Variants in ADAMTS16 observed in about 807,000 individuals in gnomAD.
ADAMTS16 encodes the protein A disintegrin and metalloproteinase with thrombospondin motifs 16.
In ADAMTS16, 94 loss-of-function variants were observed where a neutral mutation model predicts 145.8. The observed-to-expected ratio is 0.64, with a 90% CI of 0.55 to 0.77. ADAMTS16 has a LOEUF of 0.77. Ranked by LOEUF, ADAMTS16 falls within the 30% of genes least tolerant of loss-of-function variation. ADAMTS16 has a pLI of 0.00. For missense variants in ADAMTS16, 1,585 were observed against 1,591.5 expected (o/e 1.00, Z 0.07); for synonymous variants, 659 against 604.3 (o/e 1.09, Z -1.33).
At chr5:5,151,218 AT>A (rs1560924532) in intron 3 of ADAMTS16, among the ~76,000 whole-genome samples, 1 of 57,690 alleles carries the variant, frequency 1.7e-5, no homozygotes, top group Non-Finnish European at 3.5e-5. Context: ...CTTTTCTCTT[AT>A]TTATTTATTT....
At chr5:5,190,182 G>T in intron 7 of ADAMTS16, 52 bp downstream of exon 7, 1 of 1,499,720 alleles carries the variant, frequency 6.7e-7, no homozygotes, top group Admixed American at 2.4e-5. Flanking sequence ...TGCACCCCTG[G>T]CCGTGACACA....
At chr5:5,190,279 C>T in intron 7 of ADAMTS16, 149 bp downstream of exon 7, 4 of 771,320 alleles carry the variant, frequency 5.2e-6, no homozygotes, top group East Asian at 3.0e-5. Flanking sequence ...CCTGTATAAA[C>T]TTTAGCCAAA....
At chr5:5,158,266 T>C (rs1478896697) in intron 3 of ADAMTS16, among the ~76,000 whole-genome samples, 2 of 152,176 alleles carry the variant, frequency 1.3e-5, no homozygotes, top group African/African-American at 2.4e-5. Flanking sequence ...TTACGATTCC[T>C]ACAGTACCAC....
chr5:5,180,987 A>G (rs1003489498), intron 3 of ADAMTS16, among the ~76,000 whole-genome samples: 1 of 152,244 alleles, frequency 6.6e-6, no homozygotes, highest in Admixed American at 6.5e-5. Flanking sequence ...TTTAGTGGTT[A>G]TATAACCTCC....
chr5:5,186,271 T>G lies in ADAMTS16; in HGVS notation c.963+20T>G. 1 of 1,609,530 alleles carries G rather than the reference T, an allele frequency of 6.2e-7. No homozygotes were observed. The highest frequency in any genetic ancestry group is 8.5e-7 in the Non-Finnish European group (1 of 1,178,328). ...AACATGGTAGGATCATCCTTCCAGTTGAGGCCACCTGTGTCATTGCACTTC... is the reference window on the plus strand; with the variant it reads ...AACATGGTAGGATCATCCTTCCAGTGGAGGCCACCTGTGTCATTGCACTTC... On this transcript the variant is annotated intron_variant, in intron 5 of 22. Transcript: ENST00000274181.
intron 12 of ADAMTS16, among the ~76,000 whole-genome samples, chr5:5,233,376 A>T (rs1456753782): frequency 6.6e-6 from 1 of 152,220 alleles, no homozygotes; most frequent in East Asian, 1.9e-4. Context: ...GGTAGAGTAT[A>T]GGTTTGTTAC....
In ADAMTS16 at chr5:5,306,689, A is replaced by T. The variant is rs1209204911; in HGVS notation, c.3372A>T (p.Gly1124=). The change falls in exon 21 of 23, where the codon GGA becomes GGT. Residue 1124 remains glycine, a synonymous_variant. Transcript: ENST00000274181. ...CPRHPPFAAA[G]PSRGSWFASP... ...GGCACCCCCCATTTGCTGCTGCGGGACCCTCGAGGGGCAGCTGGTTTGCCT... is the reference window on the plus strand; with the variant it reads ...GGCACCCCCCATTTGCTGCTGCGGGTCCCTCGAGGGGCAGCTGGTTTGCCT... 2 of 1,613,324 alleles carry T rather than the reference A, an allele frequency of 1.2e-6. No individual in the cohort carries two copies. The highest frequency in any genetic ancestry group is 4.5e-5 in the East Asian group (2 of 44,842).
chr5:5,196,045 G>A (rs892865571), intron 8 of ADAMTS16, among the ~76,000 whole-genome samples: 3 of 152,054 alleles, frequency 2.0e-5, no homozygotes, highest in East Asian at 1.9e-4. Flanking sequence ...GGCCAAGATG[G>A]CGAAACCCCA....
chr5:5,242,860 G>A (rs1737334703), intron 17 of ADAMTS16, among the ~76,000 whole-genome samples: 1 of 152,306 alleles, frequency 6.6e-6, no homozygotes, highest in African/African-American at 2.4e-5. Flanking sequence ...ACAGTGATGA[G>A]TAAATATTTG....
chr5:5,212,198 TGTTTTG>T lies in ADAMTS16; in HGVS notation c.1605+2953_1605+2958del, dbSNP rs1560951023. On this transcript the variant is annotated intron_variant, in intron 10 of 22. Transcript: ENST00000274181. ...TACTATTAGTTTCTGGGGTTTTTTT[TGTTTTG>T]TTTTGTTTTGTTTTTTTTTTTGAGA... Among the ~76,000 whole-genome samples the T allele has an allele frequency of 5.7e-4, 79 of 138,080 alleles. 2 individuals are homozygous for T. The highest frequency in any genetic ancestry group is 3.9e-3 in the Middle Eastern group (1 of 256). The allele number at this position is 138,080 out of a possible 152,430, so 90.6% of individuals were successfully genotyped here.
intron 16 of ADAMTS16, among the ~76,000 whole-genome samples, chr5:5,240,535 T>C (rs2126388270): frequency 6.6e-6 from 1 of 152,336 alleles, no homozygotes; most frequent in East Asian, 1.9e-4. Context: ...GGGCAGTGGA[T>C]GTTCTAACTC....
intron 2 of ADAMTS16, among the ~76,000 whole-genome samples, chr5:5,141,013 G>C (rs1205133781): frequency 6.6e-6 from 1 of 152,130 alleles, no homozygotes; most frequent in East Asian, 1.9e-4. Context: ...TAGGAAAAAG[G>C]TGAGGAAGTT....
At chr5:5,166,697 C>T (rs2126535004) in intron 3 of ADAMTS16, among the ~76,000 whole-genome samples, 1 of 152,306 alleles carries the variant, frequency 6.6e-6, no homozygotes, top group African/African-American at 2.4e-5. Flanking sequence ...TCAGATAGCA[C>T]AGAAAATCCC....
chr5:5,177,113 T>C lies in ADAMTS16; in HGVS notation c.502-4931T>C, dbSNP rs539103038. 2.6e-5 allele frequency among the ~76,000 whole-genome samples: 4 copies of C among 152,342 alleles called. No homozygotes were observed. In the East Asian group the frequency reaches 7.7e-4, roughly 29 times the overall value. ...ACAACAGGTATTTATGTTTTACAAA[T>C]ATGTGCTGATATCACTGCAGGAGGA... On this transcript the variant is annotated intron_variant, in intron 3 of 22. Coordinates refer to ENST00000274181, the MANE Select transcript of ADAMTS16 (RefSeq NM_139056.4).
intron 3 of ADAMTS16, among the ~76,000 whole-genome samples, chr5:5,166,106 CTCTT>C (rs1256897203): frequency 6.6e-6 from 1 of 152,148 alleles, no homozygotes; most frequent in Non-Finnish European, 1.5e-5. Context: ...TCTAAAATAT[CTCTT>C]TTTTTGCCAT....
chr5:5,262,233 G>A (rs1738059302), intron 17 of ADAMTS16, among the ~76,000 whole-genome samples: 1 of 152,150 alleles, frequency 6.6e-6, no homozygotes, highest in African/African-American at 2.4e-5. Flanking sequence ...TATGTTTCCT[G>A]CTGATTTATT....
At chr5:5,240,533 G>A (rs980619131) in intron 16 of ADAMTS16, among the ~76,000 whole-genome samples, 1 of 152,192 alleles carries the variant, frequency 6.6e-6, no homozygotes, top group Non-Finnish European at 1.5e-5. Context: ...GTGGGCAGTG[G>A]ATGTTCTAAC....
chr5:5,319,821 A>C lies in ADAMTS16; in HGVS notation c.*683A>C, dbSNP rs58353460. On this transcript the variant is annotated 3_prime_UTR_variant, in exon 23 of 23. Coordinates refer to ENST00000274181, the MANE Select transcript of ADAMTS16 (RefSeq NM_139056.4). ...ATGAAATTCCTGCTAAGGTGCTTCT[A>C]TCTCTTTCAGATTCATGCATTGAAG... 7 of 453,098 alleles carry C rather than the reference A, an allele frequency of 1.5e-5. No homozygotes were observed. Among genetic ancestry groups the C allele is most frequent in the East Asian group, 6.9e-5 (1 of 14,394 alleles). 28.1% of individuals were successfully genotyped at this position (453,098 alleles called of 1,614,324 possible).
In ADAMTS16 at chr5:5,277,908, G is replaced by A. The variant is rs189139075; in HGVS notation, c.2789+15125G>A. Reference sequence around the variant, plus strand: ...GAGGCAGGAGGATTGTTTGCACCTGGGAGGTCAAGGGTGCAGTGAGCTATG... The same window carrying A: ...GAGGCAGGAGGATTGTTTGCACCTGAGAGGTCAAGGGTGCAGTGAGCTATG... On this transcript the variant is annotated intron_variant, in intron 18 of 22. Transcript: ENST00000274181. 4.4e-3 allele frequency among the ~76,000 whole-genome samples: 667 copies of A among 152,152 alleles called. 4 individuals are homozygous for A. The highest frequency in any genetic ancestry group is 0.014 in the African/African-American group (582 of 41,506).
Sources: gnomAD v4.1 joint callset for allele counts (sites outside exome capture counted in the v4.1 genomes callset) on GRCh38, gnomAD v4.1.1 for gene constraint, MANE v1.5 for transcripts, NCBI Gene and HGNC (gene_info 2026-07-23, HGNC 2026-07-21) for gene names.